Variants in GLG1 observed in about 807,000 individuals in gnomAD.
The protein encoded by GLG1 is Golgi apparatus protein 1.
GLG1 carries 38 observed loss-of-function variants against 160.5 expected under a neutral mutation model. The observed-to-expected ratio is 0.24, with a 90% CI of 0.18 to 0.31. The LOEUF (loss-of-function observed/expected upper bound fraction) is 0.31, where lower values mean the gene tolerates loss of function less well. GLG1 is among the 10% of genes least tolerant of loss of function. GLG1 has a pLI of 1.00. For synonymous variants in GLG1, 644 were observed against 543.4 expected (o/e 1.19, Z -2.57); for missense variants, 1,373 against 1,505.2 (o/e 0.91, Z 1.45).
At chr16:74,571,494 G>A (rs1170733126) in intron 1 of GLG1, among the ~76,000 whole-genome samples, 1 of 152,054 alleles carries the variant, frequency 6.6e-6, no homozygotes, top group East Asian at 1.9e-4. Flanking sequence ...GCAACATTCA[G>A]AGACCTTGTC....
intron 1 of GLG1, among the ~76,000 whole-genome samples, chr16:74,551,470 ATTT>A (rs10570582): frequency 2.3e-5 from 3 of 128,272 alleles, no homozygotes; most frequent in Admixed American, 8.2e-5. Context: ...ATGTCTGGCT[ATTT>A]TTTTTTTTTT....
chr16:74,551,210 A>G (rs2549031), intron 1 of GLG1, among the ~76,000 whole-genome samples: 3 of 152,198 alleles, frequency 2.0e-5, no homozygotes, highest in East Asian at 1.9e-4. Context: ...TTAATTATAC[A>G]TAATAAAAAT....
At chr16:74,492,929 ATAAT>A (rs934251146) in intron 7 of GLG1, 24 bp downstream of exon 7, 3 of 1,446,650 alleles carry the variant, frequency 2.1e-6, no homozygotes, top group Non-Finnish European at 1.9e-6. Flanking sequence ...AACAGAAATG[ATAAT>A]TAAAAAAAAA....
intron 1 of GLG1, among the ~76,000 whole-genome samples, chr16:74,580,659 A>C (rs763881320): frequency 1.9e-4 from 29 of 152,230 alleles, no homozygotes; most frequent in Non-Finnish European, 1.5e-5. Context: ...AGACAACAAA[A>C]GAAAATGATA....
chr16:74,597,591 C>T (rs2143895007), intron 1 of GLG1, among the ~76,000 whole-genome samples: 1 of 152,174 alleles, frequency 6.6e-6, no homozygotes, highest in South Asian at 2.1e-4. Context: ...CAGTGGCTCA[C>T]GCCTGTAATC....
rs556970862 is a variant in GLG1, at chr16:74,574,569, A to G, written c.438+32088T>C. Among the ~76,000 whole-genome samples, 717 of 152,230 alleles carry G rather than the reference A, an allele frequency of 4.7e-3. 4 individuals carry two copies. Among genetic ancestry groups the G allele is most frequent in the Non-Finnish European group, 8.5e-3 (581 of 68,022 alleles). ...GATTTCCAAAATAATAAATTTTGGC[A>G]ACAAAATCAAAATAAAAAAGAGGTA... is the stretch of plus-strand genomic sequence containing the variant. On this transcript the variant is annotated intron_variant, in intron 1 of 25. Transcript: ENST00000422840.
intron 1 of GLG1, among the ~76,000 whole-genome samples, chr16:74,558,910 C>A (rs10468356): frequency 2.5e-3 from 387 of 152,010 alleles, no homozygotes; most frequent in African/African-American, 8.6e-3. Flanking sequence ...TTCTTAGAGA[C>A]GGGGTCTCAC....
Position 74,457,950 on chromosome 16 carries a change from A to G in GLG1, c.3189T>C (p.Val1063=). 6.2e-7 allele frequency: 1 copy of G among 1,613,860 alleles called. No individual in the cohort carries two copies. The highest frequency in any genetic ancestry group is 8.5e-7 in the Non-Finnish European group (1 of 1,179,732). The part of the protein sequence containing the change: ...MLKESKADIF[V]DPVLHTACAL... ...CACAAGCAGTATGAAGTACCGGGTC[A>G]ACAAAGATGTCTGCTTTGCTTTCCT... Residue 1063 remains valine, a synonymous_variant, in exon 24 of 26, where the codon GTT becomes GTC. Coordinates refer to ENST00000422840, the MANE Select transcript of GLG1 (RefSeq NM_001145667.2).
At chr16:74,508,625 T>A (rs2016696985) in intron 3 of GLG1, among the ~76,000 whole-genome samples, 1 of 152,144 alleles carries the variant, frequency 6.6e-6, no homozygotes, top group Admixed American at 6.5e-5. Context: ...AGAACCTGAT[T>A]TCCAACTGCC....
intron 15 of GLG1, among the ~76,000 whole-genome samples, chr16:74,470,821 G>A (rs535547607): frequency 6.6e-6 from 1 of 151,938 alleles, no homozygotes; most frequent in South Asian, 2.1e-4. Flanking sequence ...GCGCAGTGGC[G>A]ATCTCGGCTC....
chr16:74,486,276 A>G (rs758805947), intron 8 of GLG1, among the ~76,000 whole-genome samples: 4 of 152,238 alleles, frequency 2.6e-5, no homozygotes, highest in Non-Finnish European at 5.9e-5. Flanking sequence ...TTTAAGTGGA[A>G]AAGAGTAAAT....
intron 1 of GLG1, among the ~76,000 whole-genome samples, chr16:74,544,760 A>G (rs764455816): frequency 3.3e-5 from 5 of 152,120 alleles, no homozygotes; most frequent in Non-Finnish European, 7.4e-5. Context: ...TCGGCCTCCC[A>G]AAGTGCAGGG....
intron 11 of GLG1, among the ~76,000 whole-genome samples, chr16:74,478,090 A>G (rs2015457633): frequency 6.6e-6 from 1 of 152,186 alleles, no homozygotes; most frequent in Non-Finnish European, 1.5e-5. Flanking sequence ...CTAATATACT[A>G]TATAAACAAC....
chr16:74,523,182 A>T (rs983868298), intron 2 of GLG1, among the ~76,000 whole-genome samples: 1 of 152,236 alleles, frequency 6.6e-6, no homozygotes, highest in African/African-American at 2.4e-5. Flanking sequence ...CCAATCTCCA[A>T]GTCATGAAGA....
At chr16:74,481,311 T>C (rs1200450886) in intron 10 of GLG1, among the ~76,000 whole-genome samples, 1 of 152,222 alleles carries the variant, frequency 6.6e-6, no homozygotes, top group African/African-American at 2.4e-5. Flanking sequence ...GATTAGACAA[T>C]GAGCCTGCTT....
rs1474466443 is a variant in GLG1, at chr16:74,496,465, A to T, written c.954T>A (p.Asp318Glu). Reference sequence around the variant, plus strand: ...CATTTTCACAAAAACGCTCCCGATCATCTCGGCAAGCAAAATATAAATGCC... The same window carrying T: ...CATTTTCACAAAAACGCTCCCGATCTTCTCGGCAAGCAAAATATAAATGCC... ...LDRHLYFACRDDRERFCENTQ... is the reference protein window; with the variant it reads ...LDRHLYFACREDRERFCENTQ... Residue 318 changes from aspartate to glutamate, a missense_variant, in exon 5 of 26, where the codon GAT becomes GAA. Coordinates refer to ENST00000422840, the MANE Select transcript of GLG1 (RefSeq NM_001145667.2). The T allele has an allele frequency of 7.4e-6, 12 of 1,613,748 alleles. No homozygotes were observed. Among genetic ancestry groups the T allele is most frequent in the Non-Finnish European group, 1.0e-5 (12 of 1,179,656 alleles).
chr16:74,561,515 T>C (rs1360094093), intron 1 of GLG1, among the ~76,000 whole-genome samples: 3 of 152,148 alleles, frequency 2.0e-5, no homozygotes, highest in African/African-American at 7.2e-5. Flanking sequence ...AGAACTTTAA[T>C]AAAGAGACTG....
intron 1 of GLG1, among the ~76,000 whole-genome samples, chr16:74,565,442 G>C (rs1262462844): frequency 2.0e-5 from 3 of 152,204 alleles, no homozygotes; most frequent in Admixed American, 6.5e-5. Flanking sequence ...AGATTTCTCA[G>C]TACATAGGGA....
chr16:74,473,805 A>G (rs1051293746), intron 13 of GLG1, among the ~76,000 whole-genome samples: 13 of 152,144 alleles, frequency 8.5e-5, no homozygotes, highest in African/African-American at 3.1e-4. Context: ...TACGTATTCA[A>G]TCTTCCATGC....
Sources: gnomAD v4.1 joint callset for allele counts (sites outside exome capture counted in the v4.1 genomes callset) on GRCh38, gnomAD v4.1.1 for gene constraint, MANE v1.5 for transcripts, NCBI Gene and HGNC (gene_info 2026-07-23, HGNC 2026-07-21) for gene names.